Variants in ACBD6 observed in about 807,000 individuals in gnomAD.
ACBD6 encodes acyl-CoA binding domain containing 6.
ACBD6 carries 28 observed loss-of-function variants against 37.2 expected under a neutral mutation model. That is an observed-to-expected ratio of 0.75 (90% CI 0.56 to 1.03). The LOEUF (loss-of-function observed/expected upper bound fraction) is 1.03. Ranked by LOEUF, ACBD6 falls within the 50% of genes least tolerant of loss-of-function variation. ACBD6 has a pLI of 0.00. For missense variants in ACBD6, 340 were observed against 337.4 expected, an observed-to-expected ratio of 1.01 and a Z score of -0.06; for synonymous variants, 113 against 126.8, an observed-to-expected ratio of 0.89 and a Z score of 0.73.
intron 6 of ACBD6, among the ~76,000 whole-genome samples, chr1:180,324,775 G>C (rs1651194910): frequency 6.6e-6 from 1 of 152,150 alleles, no homozygotes; most frequent in Non-Finnish European, 1.5e-5. Context: ...TTATAGGACA[G>C]GTGTAGTGCT....
At chr1:180,314,559 G>T in intron 7 of ACBD6, 133 bp downstream of exon 7, 1 of 738,684 alleles carries the variant, frequency 1.4e-6, no homozygotes, top group South Asian at 1.7e-5. Context: ...ACATTTTTTT[G>T]AACAAAAAGT....
chr1:180,397,571 C>G lies in ACBD6; in HGVS notation c.608G>C (p.Gly203Ala). The G allele has an allele frequency of 6.2e-7, 1 of 1,614,062 alleles. No homozygotes were observed. Among genetic ancestry groups the G allele is most frequent in the Admixed American group, 1.7e-5 (1 of 60,012 alleles). ...CAACACTGTGACTAGTTCCTTATGT[C>G]CTCGATCACAGGCCCAGTGAAGTAG... ...RALLHWACDR[G>A]HKELVTVLLQ... Residue 203 changes from glycine to alanine, a missense_variant, in exon 6 of 8, where the codon GGA becomes GCA. Transcript: ENST00000367595.
intron 6 of ACBD6, among the ~76,000 whole-genome samples, chr1:180,357,824 C>A (rs1486342923): frequency 6.6e-6 from 1 of 152,176 alleles, no homozygotes; most frequent in Non-Finnish European, 1.5e-5. Flanking sequence ...CTTGGCAAGA[C>A]TTTCATGGTG....
chr1:180,417,168 AT>A (rs750135857), intron 4 of ACBD6, among the ~76,000 whole-genome samples: 1 of 152,220 alleles, frequency 6.6e-6, no homozygotes, highest in Admixed American at 6.5e-5. Flanking sequence ...GGTATAGATC[AT>A]TTTAAGTGAC....
At chr1:180,461,816 C>T (rs981873629) in intron 3 of ACBD6, among the ~76,000 whole-genome samples, 1 of 152,156 alleles carries the variant, frequency 6.6e-6, no homozygotes, top group Admixed American at 6.6e-5. Context: ...CCAGCCACTA[C>T]AAAAACACAC....
At chr1:180,473,368 A>C (rs565100780) in intron 3 of ACBD6, among the ~76,000 whole-genome samples, 2 of 145,286 alleles carry the variant, frequency 1.4e-5, no homozygotes, top group Admixed American at 7.1e-5. Flanking sequence ...AATGGCGTGA[A>C]CCCGGGAGGC....
rs142814385 is a variant in ACBD6, at chr1:180,465,240, C to T, written c.384+27029G>A. 2.1e-3 allele frequency among the ~76,000 whole-genome samples: 319 copies of T among 152,016 alleles called. 1 individual carries two copies. The highest frequency in any genetic ancestry group is 6.9e-3 in the African/African-American group (285 of 41,500). On this transcript the variant is annotated intron_variant, in intron 3 of 7. Coordinates refer to ENST00000367595, the MANE Select transcript of ACBD6 (RefSeq NM_032360.4). Reference sequence around the variant, plus strand: ...AACTATCAACAGAAAATCTACAGAACGGGAGAGAATATCTGAAAACTATAC... The same window carrying T: ...AACTATCAACAGAAAATCTACAGAATGGGAGAGAATATCTGAAAACTATAC...
intron 6 of ACBD6, among the ~76,000 whole-genome samples, chr1:180,376,478 A>G (rs1337107402): frequency 6.6e-6 from 1 of 152,210 alleles, no homozygotes; most frequent in African/African-American, 2.4e-5. Context: ...GTACATCCAC[A>G]TAAGGGAGTA....
At chr1:180,292,035 C>G (rs1649728146) in intron 7 of ACBD6, among the ~76,000 whole-genome samples, 1 of 152,184 alleles carries the variant, frequency 6.6e-6, no homozygotes, top group South Asian at 2.1e-4. Flanking sequence ...TTCCTTTGAT[C>G]TATATACCTA....
At chr1:180,345,147 C>T (rs1652131783) in intron 6 of ACBD6, among the ~76,000 whole-genome samples, 1 of 152,198 alleles carries the variant, frequency 6.6e-6, no homozygotes, top group African/African-American at 2.4e-5. Context: ...CAAAGCCAAA[C>T]TCTTTGAAGG....
At chr1:180,277,692 C>T (rs1430909727) in intron 9 of ACBD6, 1 of 152,186 alleles carries the variant, frequency 6.6e-6, no homozygotes, top group Non-Finnish European at 1.5e-5. Context: ...CAACCTCAGG[C>T]AAATTCCTCT....
At chr1:180,367,430 G>A (rs1653093112) in intron 6 of ACBD6, among the ~76,000 whole-genome samples, 1 of 152,098 alleles carries the variant, frequency 6.6e-6, no homozygotes, top group South Asian at 2.1e-4. Flanking sequence ...GTGAAGGTTT[G>A]TTACACAGTT....
At chr1:180,294,216 CT>C (rs1649828251) in intron 7 of ACBD6, among the ~76,000 whole-genome samples, 1 of 151,990 alleles carries the variant, frequency 6.6e-6, no homozygotes, top group Admixed American at 6.6e-5. Context: ...TTTCAGAAAA[CT>C]TTGGTAGTTT....
At chr1:180,302,058 G>A (rs1650151328) in intron 7 of ACBD6, among the ~76,000 whole-genome samples, 1 of 150,794 alleles carries the variant, frequency 6.6e-6, no homozygotes, top group South Asian at 2.1e-4. Flanking sequence ...AGGGTGGAGG[G>A]ATAGCATTAG....
At chr1:180,383,795 A>G (rs919741718) in intron 6 of ACBD6, among the ~76,000 whole-genome samples, 1 of 152,222 alleles carries the variant, frequency 6.6e-6, no homozygotes, top group African/African-American at 2.4e-5. Flanking sequence ...AGTAACCAAG[A>G]AAGCATGGTA....
At chr1:180,454,485 A>G (rs1274909312) in intron 3 of ACBD6, among the ~76,000 whole-genome samples, 1 of 152,236 alleles carries the variant, frequency 6.6e-6, no homozygotes, top group Non-Finnish European at 1.5e-5. Flanking sequence ...TATGACTAAA[A>G]CACCAAAAGC....
At chr1:180,482,932 G>C (rs953118534) in intron 3 of ACBD6, among the ~76,000 whole-genome samples, 1 of 152,002 alleles carries the variant, frequency 6.6e-6, no homozygotes, top group Non-Finnish European at 1.5e-5. Flanking sequence ...TTGAATTTTT[G>C]TTTCCATAAG....
intron 3 of ACBD6, among the ~76,000 whole-genome samples, chr1:180,489,786 A>G: frequency 6.6e-6 from 1 of 151,864 alleles, no homozygotes; most frequent in South Asian, 2.1e-4. Context: ...GCTCCCGCAT[A>G]GCTGGGACTA....
chr1:180,418,591 A>T (rs1039406874), intron 4 of ACBD6, among the ~76,000 whole-genome samples: 2 of 152,136 alleles, frequency 1.3e-5, no homozygotes. Context: ...AGAAAAAAAA[A>T]AGACTTATCT....
Sources: gnomAD v4.1 joint callset for allele counts (sites outside exome capture counted in the v4.1 genomes callset) on GRCh38, gnomAD v4.1.1 for gene constraint, MANE v1.5 for transcripts, NCBI Gene and HGNC (gene_info 2026-07-23, HGNC 2026-07-21) for gene names.